The following DPP6 variants were observed in gnomAD, a reference collection of about 807,000 sequenced individuals.
DPP6 encodes the protein dipeptidyl peptidase like 6, also known as A-type potassium channel modulatory protein DPP6.
DPP6 carries 69 observed loss-of-function variants against 122.6 expected under a neutral mutation model. The observed-to-expected ratio is 0.56, with a 90% confidence interval of 0.46 to 0.69. The LOEUF is 0.69. Among genes scored for constraint, DPP6 ranks in the 30% least tolerant of loss-of-function variants. DPP6 has a pLI of 0.00. For synonymous variants in DPP6, 418 were observed against 433.1 expected (o/e 0.97, Z 0.43); for missense variants, 928 against 1,116.9 (o/e 0.83, Z 2.41).
chr7:153,857,919 T>G, the DPP6 span, among the ~76,000 whole-genome samples: 1 of 152,188 alleles, frequency 6.6e-6, no homozygotes, highest in Non-Finnish European at 1.5e-5. Flanking sequence ...AAGAAATCAA[T>G]TGTATAAAAA....
At chr7:154,792,784 C>G (rs894809070) in intron 10 of DPP6, among the ~76,000 whole-genome samples, 1 of 152,248 alleles carries the variant, frequency 6.6e-6, no homozygotes, top group African/African-American at 2.4e-5. Flanking sequence ...AGCGCCCCTC[C>G]TGTGTTCACG....
At chr7:153,926,712 G>T (rs949337582) in intron 1 of DPP6, among the ~76,000 whole-genome samples, 1 of 151,240 alleles carries the variant, frequency 6.6e-6, no homozygotes, top group South Asian at 2.1e-4. Context: ...AGTGATCAGA[G>T]AAATCACTTG....
chr7:154,854,320 G>T (rs1802642400), intron 17 of DPP6, among the ~76,000 whole-genome samples: 1 of 152,208 alleles, frequency 6.6e-6, no homozygotes. Context: ...GCTTTTTCAG[G>T]ACTGTTGTGA....
intron 1 of DPP6, among the ~76,000 whole-genome samples, chr7:154,375,324 G>T (rs1054991280): frequency 1.3e-5 from 2 of 152,088 alleles, no homozygotes; most frequent in African/African-American, 4.8e-5. Flanking sequence ...ACAATGGCGA[G>T]GGGATGTTGG....
At chr7:154,378,629 A>T (rs1321774627) in intron 1 of DPP6, among the ~76,000 whole-genome samples, 1 of 152,198 alleles carries the variant, frequency 6.6e-6, no homozygotes, top group Admixed American at 6.5e-5. Flanking sequence ...TCTCATAAGG[A>T]CACTAATCTC....
intron 1 of DPP6, among the ~76,000 whole-genome samples, chr7:154,431,897 G>T (rs1563660823): frequency 6.6e-6 from 1 of 152,032 alleles, no homozygotes; most frequent in Non-Finnish European, 1.5e-5. Context: ...TTTTCTCCTG[G>T]TATCTGCCCA....
chr7:154,769,462 G>A lies in DPP6; in HGVS notation c.929G>A (p.Gly310Asp). 6.2e-7 allele frequency: 1 copy of A among 1,613,524 alleles called. No homozygotes were observed. The highest frequency in any genetic ancestry group is 8.5e-7 in the Non-Finnish European group (1 of 1,179,776). ...ATCGCACACTGGTGGTCTCCGGATG[G>A]CACGAGACTCGCCTACGCCGCCATC... is the stretch of plus-strand genomic sequence containing the variant. ...THIAHWWSPD[G>D]TRLAYAAIND... is the part of the protein sequence containing the mutation. Residue 310 changes from glycine (G) to aspartate (D), a missense_variant, in exon 9 of 26, where the codon GGC (glycine) becomes GAC (aspartate). Gly to Asp is a moderately conservative substitution (Grantham distance 94). Transcript: ENST00000377770.
In DPP6 at chr7:154,061,813, C is replaced by G. The variant is rs1254833898; in HGVS notation, c.243+8750C>G. ...CCCCTCGCGACGCGGGGACTGAGAG[C>G]GAGCCCCTCTTCCCCCCTTTGCTCT... On this transcript the variant is annotated intron_variant, in intron 1 of 25. Coordinates refer to ENST00000377770, the MANE Select transcript of DPP6 (RefSeq NM_130797.4). 1.1e-4 allele frequency among the ~76,000 whole-genome samples: 14 copies of G among 123,024 alleles called. 1 individual carries two copies. Among genetic ancestry groups the G allele is most frequent in the Admixed American group, 3.1e-4 (4 of 12,884 alleles). 80.7% of individuals were successfully genotyped at this position (123,024 alleles called of 152,430 possible).
rs1370713338 is a variant in DPP6, at chr7:154,483,990, G to GCCCA, written c.457+8954_457+8957dup. Among the ~76,000 whole-genome samples, 3 of 152,134 alleles carry GCCCA rather than the reference G, an allele frequency of 2.0e-5. No homozygotes were observed. The highest frequency in any genetic ancestry group is 4.4e-5 in the Non-Finnish European group (3 of 68,034). ...TTACAGATGTGAGCCACCACGCCCGGCCCAGGTTAAATTTTATTTATGTTT... is the reference window on the plus strand; with the variant it reads ...TTACAGATGTGAGCCACCACGCCCGGCCCACCCAGGTTAAATTTTATTTATGTTT... On this transcript the variant is annotated intron_variant, in intron 3 of 25. Coordinates refer to ENST00000377770, the MANE Select transcript of DPP6 (RefSeq NM_130797.4). This position sits in a 1 kb window ranked among gnomAD's most constrained non-coding sequence, Gnocchi z 8.1.
chr7:153,954,842 C>T (rs1014828722), intron 1 of DPP6, among the ~76,000 whole-genome samples: 8 of 152,162 alleles, frequency 5.3e-5, no homozygotes, highest in African/African-American at 1.9e-4. Flanking sequence ...GAACCAATAC[C>T]TTAAAATAAA....
chr7:153,958,827 C>T (rs1048422966), intron 1 of DPP6, among the ~76,000 whole-genome samples: 3 of 151,858 alleles, frequency 2.0e-5, no homozygotes, highest in East Asian at 3.9e-4. Context: ...GCCTTCTGTT[C>T]CTTCAGGGCC....
At chr7:154,645,887 G>A (rs983812915) in intron 6 of DPP6, among the ~76,000 whole-genome samples, 1 of 151,882 alleles carries the variant, frequency 6.6e-6, no homozygotes, top group Non-Finnish European at 1.5e-5. Flanking sequence ...AATTAGCCAG[G>A]CATGGTGGTG....
intron 7 of DPP6, among the ~76,000 whole-genome samples, chr7:154,716,448 G>A (rs1296758094): frequency 6.6e-6 from 1 of 152,132 alleles, no homozygotes; most frequent in African/African-American, 2.4e-5. Context: ...GCTGACATCT[G>A]AAGAGTTCTC....
At chr7:154,051,240 C>T (rs1260634432), upstream of DPP6, among the ~76,000 whole-genome samples, 4 of 117,744 alleles carry the variant, frequency 3.4e-5, 1 homozygote, top group South Asian at 8.1e-4. Flanking sequence ...GCGGAATGGG[C>T]AGGGTCGGGT....
chr7:154,313,750 CA>C lies in DPP6; in HGVS notation c.244-132463del, dbSNP rs1246971220. ...GCACGCACACACACACACACACACA[CA>C]CCCTTACATATATATGTAGTACTTC... On this transcript the variant is annotated intron_variant, in intron 1 of 25. Coordinates refer to ENST00000377770, the MANE Select transcript of DPP6 (RefSeq NM_130797.4). Among the ~76,000 whole-genome samples, 52 of 118,630 alleles carry C rather than the reference CA, an allele frequency of 4.4e-4. 18 individuals are homozygous for C. Among genetic ancestry groups the C allele is most frequent in the Non-Finnish European group, 8.5e-4 (48 of 56,414 alleles). The allele number at this position is 118,630 out of a possible 152,430, so 77.8% of individuals were successfully genotyped here. A position where few individuals can be genotyped will look rare whatever the true frequency, so the allele number is the denominator to read the frequency against.
intron 1 of DPP6, among the ~76,000 whole-genome samples, chr7:153,964,368 G>A (rs571358272): frequency 2.6e-5 from 4 of 152,222 alleles, no homozygotes; most frequent in Admixed American, 6.5e-5. Context: ...TCTGGAAAAC[G>A]TGTGTCTCAT....
intron 1 of DPP6, among the ~76,000 whole-genome samples, chr7:154,362,250 G>A (rs904759102): frequency 6.6e-6 from 1 of 152,194 alleles, no homozygotes; most frequent in Non-Finnish European, 1.5e-5. Context: ...AGCTTCTGTG[G>A]CTTCGCTCAG....
At chr7:154,748,511 G>T (rs2131443279) in intron 8 of DPP6, among the ~76,000 whole-genome samples, 1 of 152,320 alleles carries the variant, frequency 6.6e-6, no homozygotes, top group Non-Finnish European at 1.5e-5. Context: ...CGCGGCACTA[G>T]ACAACGCCAA....
At chr7:154,678,844 G>C (rs1839101206) in intron 7 of DPP6, among the ~76,000 whole-genome samples, 1 of 152,218 alleles carries the variant, frequency 6.6e-6, no homozygotes, top group African/African-American at 2.4e-5. Flanking sequence ...CCATCTCTTA[G>C]TCTGTTAACT....
Sources: gnomAD v4.1 joint callset for allele counts (sites outside exome capture counted in the v4.1 genomes callset) on GRCh38, gnomAD v4.1.1 for gene constraint, Gnocchi (gnomAD v3.1) non-coding constraint, MANE v1.5 for transcripts, NCBI Gene and HGNC (gene_info 2026-07-23, HGNC 2026-07-21) for gene names.